The following ADCY2 variants were observed in gnomAD, a reference collection of about 807,000 sequenced individuals.
ADCY2 encodes adenylate cyclase type 2.
Under a neutral mutation model 125.2 loss-of-function variants are expected in ADCY2, and 31 were observed. That is an observed-to-expected ratio of 0.25 (90% CI 0.19 to 0.33). ADCY2 has a LOEUF of 0.33. Among genes scored for constraint, ADCY2 ranks in the 10% least tolerant of loss-of-function variants. ADCY2 has a pLI of 1.00. For synonymous variants in ADCY2, 512 were observed against 548.4 expected, an observed-to-expected ratio of 0.93 and a Z score of 0.93; for missense variants, 904 against 1,418.2, an observed-to-expected ratio of 0.64 and a Z score of 5.82.
At chr5:7,725,514 G>A (rs955182114) in intron 13 of ADCY2, among the ~76,000 whole-genome samples, 1 of 152,018 alleles carries the variant, frequency 6.6e-6, no homozygotes, top group Non-Finnish European at 1.5e-5. Context: ...CTGCTAAGTA[G>A]AGGACTCTGA....
chr5:7,485,237 A>T (rs1181001058), intron 2 of ADCY2, among the ~76,000 whole-genome samples: 1 of 152,234 alleles, frequency 6.6e-6, no homozygotes, highest in Non-Finnish European at 1.5e-5. Flanking sequence ...AGTAGAAAAC[A>T]TAGACATATA....
intron 3 of ADCY2, among the ~76,000 whole-genome samples, chr5:7,591,304 CA>C (rs1167721903): frequency 1.3e-5 from 2 of 152,074 alleles, no homozygotes; most frequent in Non-Finnish European, 2.9e-5. Context: ...GATACTCTTG[CA>C]ATTTTTGTAT....
chr5:7,608,018 T>C (rs951248963), intron 3 of ADCY2, among the ~76,000 whole-genome samples: 2 of 152,206 alleles, frequency 1.3e-5, no homozygotes, highest in Non-Finnish European at 1.5e-5. Context: ...AGTATGATCC[T>C]AGGAGTAATC....
Position 7,574,679 on chromosome 5 carries a change from A to G in ADCY2, c.571-51488A>G, listed in dbSNP as rs77122467. ...TGGATTCTCTCATATACTACCCCTG[A>G]CCTTTAAATTAGATCCCAGATGTAG... On this transcript the variant is annotated intron_variant, in intron 3 of 24. Coordinates refer to ENST00000338316, the MANE Select transcript of ADCY2 (RefSeq NM_020546.3). 2.2e-3 allele frequency among the ~76,000 whole-genome samples: 331 copies of G among 152,306 alleles called. 2 individuals carry two copies. Among genetic ancestry groups the G allele is most frequent in the African/African-American group, 7.3e-3 (303 of 41,576 alleles).
chr5:7,819,113 T>C (rs578170409), intron 23 of ADCY2, among the ~76,000 whole-genome samples: 1 of 152,140 alleles, frequency 6.6e-6, no homozygotes, highest in African/African-American at 2.4e-5. Flanking sequence ...CAGTCTAATC[T>C]CTCCACGTTC....
intron 20 of ADCY2, chr5:7,799,073 A>G (rs781058784): frequency 1.3e-5 from 2 of 152,238 alleles, no homozygotes; most frequent in African/African-American, 4.8e-5. Flanking sequence ...AGCTTGTTCA[A>G]CAGAATGGTT....
intron 3 of ADCY2, among the ~76,000 whole-genome samples, chr5:7,573,799 G>T (rs1364171824): frequency 1.3e-5 from 2 of 149,520 alleles, no homozygotes; most frequent in Non-Finnish European, 3.0e-5. Flanking sequence ...TAGGGTACAT[G>T]TGCACATTGT....
intron 11 of ADCY2, among the ~76,000 whole-genome samples, chr5:7,716,479 G>A (rs190782282): frequency 5.9e-5 from 9 of 152,280 alleles, no homozygotes; most frequent in African/African-American, 9.6e-5. Flanking sequence ...CTCAAACACC[G>A]AGTATATATC....
intron 2 of ADCY2, among the ~76,000 whole-genome samples, chr5:7,478,290 AAAAC>A (rs1368083581): frequency 6.6e-6 from 1 of 152,198 alleles, no homozygotes; most frequent in African/African-American, 2.4e-5. Flanking sequence ...GGGTTCTGCT[AAAAC>A]AAACATGTAA....
chr5:7,525,646 A>G (rs1202801839), intron 3 of ADCY2, among the ~76,000 whole-genome samples: 1 of 122,500 alleles, frequency 8.2e-6, no homozygotes, highest in Non-Finnish European at 1.8e-5. Context: ...ATTTACATCT[A>G]CATTATAGAT....
At chr5:7,635,880 C>T (rs1450993584) in intron 4 of ADCY2, among the ~76,000 whole-genome samples, 2 of 152,210 alleles carry the variant, frequency 1.3e-5, no homozygotes, top group Non-Finnish European at 2.9e-5. Flanking sequence ...TGGCTGTAAA[C>T]TCTAGCCCTG....
intron 2 of ADCY2, among the ~76,000 whole-genome samples, chr5:7,436,882 A>G (rs186722080): frequency 1.3e-5 from 2 of 152,142 alleles, no homozygotes; most frequent in African/African-American, 2.4e-5. Context: ...GAATCTTTTG[A>G]TGTCAGGCCA....
chr5:7,437,363 G>T (rs1740844964), intron 2 of ADCY2, among the ~76,000 whole-genome samples: 1 of 152,162 alleles, frequency 6.6e-6, no homozygotes, highest in South Asian at 2.1e-4. Flanking sequence ...AGGAAAAATT[G>T]GGGAGCCACA....
At chr5:7,772,104 C>A (rs992706361) in intron 17 of ADCY2, among the ~76,000 whole-genome samples, 7 of 152,158 alleles carry the variant, frequency 4.6e-5, no homozygotes, top group Admixed American at 3.9e-4. Context: ...AATATGATTA[C>A]CCTCATTTTA....
intron 2 of ADCY2, among the ~76,000 whole-genome samples, chr5:7,439,652 A>G (rs2126395716): frequency 6.6e-6 from 1 of 152,344 alleles, no homozygotes; most frequent in Middle Eastern, 3.4e-3. Flanking sequence ...TATTAAGTTC[A>G]TATCAAACAA....
chr5:7,596,275 TC>T (rs34326417), intron 3 of ADCY2, among the ~76,000 whole-genome samples: 82,409 of 147,270 alleles, frequency 0.56, 23,246 homozygotes, highest in Non-Finnish European at 0.62. Flanking sequence ...ATCCAAAAAC[TC>T]CCCCCCCCCA....
At chr5:7,756,474 A>G (rs1742994747) in intron 15 of ADCY2, among the ~76,000 whole-genome samples, 1 of 152,244 alleles carries the variant, frequency 6.6e-6, no homozygotes, top group Non-Finnish European at 1.5e-5. Flanking sequence ...GTATAGATCC[A>G]TACAATGGAG....
chr5:7,787,331 T>A (rs980272657), intron 19 of ADCY2, among the ~76,000 whole-genome samples: 3 of 152,146 alleles, frequency 2.0e-5, no homozygotes, highest in African/African-American at 7.2e-5. Context: ...AAATCCCCCC[T>A]CCTTTCTCTT....
intron 14 of ADCY2, among the ~76,000 whole-genome samples, chr5:7,736,350 A>G (rs1472146055): frequency 1.3e-5 from 2 of 152,154 alleles, no homozygotes; most frequent in African/African-American, 4.8e-5. Flanking sequence ...AGGTAAGCCT[A>G]TTTATATTTT....
Sources: gnomAD v4.1 joint callset for allele counts (sites outside exome capture counted in the v4.1 genomes callset) on GRCh38, gnomAD v4.1.1 for gene constraint, MANE v1.5 for transcripts, NCBI Gene and HGNC (gene_info 2026-07-23, HGNC 2026-07-21) for gene names.